The following DCDC2 variants were observed in gnomAD, a reference collection of about 807,000 sequenced individuals.
DCDC2 encodes doublecortin domain containing 2.
DCDC2 carries 40 observed loss-of-function variants against 50.2 expected under a neutral mutation model. That is an observed-to-expected ratio of 0.80 (90% CI 0.62 to 1.04). The LOEUF (loss-of-function observed/expected upper bound fraction) is 1.04. Ranked by LOEUF, DCDC2 falls within the 50% of genes least tolerant of loss-of-function variation. The probability of loss-of-function intolerance (pLI) is 0.00; values close to 1 mark genes in which losing one functional copy is unlikely to be tolerated. For missense variants in DCDC2, 570 were observed against 581.9 expected (o/e 0.98, Z 0.21); for synonymous variants, 234 against 210.6 (o/e 1.11, Z -0.96).
At position 24,178,326 on chromosome 6, in the gene DCDC2, A is replaced by C; in HGVS notation, c.1326+4T>G. On this transcript the variant is annotated splice_donor_region_variant and intron_variant, in intron 9 of 9. Coordinates refer to ENST00000378454, the MANE Select transcript of DCDC2 (RefSeq NM_016356.5). Reference sequence around the variant, plus strand: ...ACATAAGCAAGCAAAAGCAATAGAAATACCTCATCTTGTCCACTGCCAGCT... The same window carrying C: ...ACATAAGCAAGCAAAAGCAATAGAACTACCTCATCTTGTCCACTGCCAGCT... 1 of 1,611,404 alleles carries C rather than the reference A, an allele frequency of 6.2e-7. No homozygotes were observed. Among genetic ancestry groups the C allele is most frequent in the Non-Finnish European group, 8.5e-7 (1 of 1,178,260 alleles).
intron 2 of DCDC2, among the ~76,000 whole-genome samples, chr6:24,326,630 G>T (rs1334067812): frequency 3.4e-5 from 5 of 148,934 alleles, no homozygotes; most frequent in African/African-American, 1.2e-4. Flanking sequence ...GCCGAGGCAT[G>T]TGGGTCGCTT....
chr6:24,259,802 G>A (rs1453728454), intron 7 of DCDC2, among the ~76,000 whole-genome samples: 1 of 152,044 alleles, frequency 6.6e-6, no homozygotes, highest in Non-Finnish European at 1.5e-5. Context: ...GCCTTGCTTG[G>A]TTACTCTATT....
chr6:24,331,951 A>C (rs1392350253), intron 2 of DCDC2, among the ~76,000 whole-genome samples: 2 of 152,248 alleles, frequency 1.3e-5, no homozygotes, highest in Non-Finnish European at 2.9e-5. Flanking sequence ...TTTAATTCTG[A>C]AAGCAATTAG....
chr6:24,241,592 TG>T (rs1273256440), intron 7 of DCDC2, among the ~76,000 whole-genome samples: 1 of 152,192 alleles, frequency 6.6e-6, no homozygotes, highest in Non-Finnish European at 1.5e-5. Context: ...AACTCTAGGT[TG>T]AAAAAAACCA....
chr6:24,228,302 G>T (rs1428178453), intron 7 of DCDC2, among the ~76,000 whole-genome samples: 1 of 152,196 alleles, frequency 6.6e-6, no homozygotes, highest in African/African-American at 2.4e-5. Flanking sequence ...TTACTCATTG[G>T]TTTTTTAAAT....
In DCDC2 at chr6:24,205,305, A is replaced by C. The variant is rs1310633297; in HGVS notation, c.923-203T>G. 3.2e-6 allele frequency: 5 copies of C among 1,540,992 alleles called. No homozygotes were observed. In the African/African-American group the frequency reaches 5.5e-5, roughly 17 times the overall value. ...TCATTGAGAAAACATTCAGTGGTCAAAACAAGGCTGACCCAGCAGGGTAAA... is the reference window on the plus strand; with the variant it reads ...TCATTGAGAAAACATTCAGTGGTCACAACAAGGCTGACCCAGCAGGGTAAA... On this transcript the variant is annotated intron_variant, in intron 7 of 9. Coordinates refer to ENST00000378454, the MANE Select transcript of DCDC2 (RefSeq NM_016356.5).
chr6:24,262,366 G>A (rs1295532703), intron 7 of DCDC2, among the ~76,000 whole-genome samples: 1 of 152,174 alleles, frequency 6.6e-6, no homozygotes, highest in East Asian at 1.9e-4. Context: ...CATCACTGAG[G>A]GCTAAAGTGC....
chr6:24,186,393 G>C (rs545661165), intron 8 of DCDC2, among the ~76,000 whole-genome samples: 189 of 152,340 alleles, frequency 1.2e-3, no homozygotes, highest in Non-Finnish European at 2.4e-3. Flanking sequence ...AATTGAGCCA[G>C]AGACATAAAG....
intron 2 of DCDC2, chr6:24,353,215 C>A: frequency 2.2e-6 from 1 of 455,666 alleles, no homozygotes. Flanking sequence ...ATCAGAGGCA[C>A]ATTAGGATGA....
At chr6:24,202,881 C>T (rs1695903732) in intron 8 of DCDC2, among the ~76,000 whole-genome samples, 1 of 152,112 alleles carries the variant, frequency 6.6e-6, no homozygotes, top group East Asian at 1.9e-4. Flanking sequence ...AACTCCCATT[C>T]ACAATTGCTA....
rs1479076774 is a variant in DCDC2 at position 24,278,029 on chromosome 6, GATAATA to G, written c.922+14_922+19del. 2.5e-6 allele frequency: 4 copies of G among 1,579,376 alleles called. No individual in the cohort carries two copies. The African/African-American group carries it at 5.4e-5, about 21-fold the overall frequency. On this transcript the variant is annotated intron_variant, in intron 7 of 9. Transcript: ENST00000378454. ...AATTAAAATTGTATCACAGCCTTAA[GATAATA>G]ATAACACACTTACCACTATTTGGAA... is the stretch of plus-strand genomic sequence containing the variant.
intron 9 of DCDC2, among the ~76,000 whole-genome samples, chr6:24,176,040 C>A (rs1224668434): frequency 3.3e-5 from 5 of 151,964 alleles, no homozygotes. Flanking sequence ...TGGCTGTAAT[C>A]TCATCACTTT....
chr6:24,294,172 C>G (rs1206886936), intron 4 of DCDC2, among the ~76,000 whole-genome samples: 30 of 152,110 alleles, frequency 2.0e-4, no homozygotes, highest in Non-Finnish European at 2.9e-5. Flanking sequence ...GCCTGGGCAA[C>G]ATAGTGAAAC....
chr6:24,347,366 G>A (rs561448310), intron 2 of DCDC2, among the ~76,000 whole-genome samples: 18 of 152,128 alleles, frequency 1.2e-4, no homozygotes, highest in South Asian at 2.1e-4. Context: ...CAACCACAAC[G>A]CCTAGCACAT....
chr6:24,226,590 A>C (rs1474582217), intron 7 of DCDC2, among the ~76,000 whole-genome samples: 1 of 152,254 alleles, frequency 6.6e-6, no homozygotes, highest in East Asian at 1.9e-4. Context: ...GTGTTTCAGA[A>C]CAATAATTTG....
chr6:24,232,762 T>C (rs958004873), intron 7 of DCDC2, among the ~76,000 whole-genome samples: 1 of 152,066 alleles, frequency 6.6e-6, no homozygotes, highest in East Asian at 1.9e-4. Flanking sequence ...CACAGTGCCT[T>C]CCAGAAGGTC....
upstream of DCDC2, among the ~76,000 whole-genome samples, chr6:24,359,291 T>A (rs370017641): frequency 3.1e-4 from 18 of 57,612 alleles, no homozygotes; most frequent in Admixed American, 9.6e-4. Context: ...ATTATATATT[T>A]TATATTTTTT....
chr6:24,345,497 A>T (rs1760238151), intron 2 of DCDC2, among the ~76,000 whole-genome samples: 1 of 152,114 alleles, frequency 6.6e-6, no homozygotes, highest in Non-Finnish European at 1.5e-5. Context: ...GTACTTCTAA[A>T]ATTCTCCACC....
intron 8 of DCDC2, among the ~76,000 whole-genome samples, chr6:24,198,904 T>G (rs1761511080): frequency 2.0e-5 from 3 of 152,194 alleles, no homozygotes; most frequent in African/African-American, 4.8e-5. Context: ...AGCTTCGAAC[T>G]GGGTGGAGCC....
Sources: gnomAD v4.1 joint callset for allele counts (sites outside exome capture counted in the v4.1 genomes callset) on GRCh38, gnomAD v4.1.1 for gene constraint, MANE v1.5 for transcripts, NCBI Gene and HGNC (gene_info 2026-07-23, HGNC 2026-07-21) for gene names.